Variants in SYTL5 observed in about 807,000 individuals in gnomAD.
SYTL5 encodes synaptotagmin-like protein 5.
A neutral mutation model predicts 55.9 loss-of-function variants in SYTL5; 34 were observed. The observed-to-expected ratio is 0.61, with a 90% confidence interval of 0.46 to 0.81. SYTL5 has a LOEUF of 0.81. Among genes scored for constraint, SYTL5 ranks in the 30% least tolerant of loss-of-function variants. The pLI is 0.00. For missense variants in SYTL5, 637 were observed against 546.7 expected (o/e 1.17, Z -1.65); for synonymous variants, 221 against 188.7 (o/e 1.17, Z -1.40).
intron 9 of SYTL5, among the ~76,000 whole-genome samples, chrX:38,099,084 C>G (rs1192281372): frequency 9.1e-6 from 1 of 110,388 alleles, no homozygotes; most frequent in Non-Finnish European, 1.9e-5. Flanking sequence ...GAAGTTTGCT[C>G]AACTATAAAT....
rs1427099211 is a variant in SYTL5, at chrX:38,127,571, T to A, written c.*841T>A. ...GAAAAAGGAGGTACTCTACCTGCTATTTTACTTCTGTTCCTCTTCTGCCCT... is the reference window on the plus strand; with the variant it reads ...GAAAAAGGAGGTACTCTACCTGCTAATTTACTTCTGTTCCTCTTCTGCCCT... On this transcript the variant is annotated 3_prime_UTR_variant, in exon 17 of 17. Coordinates refer to ENST00000297875, the MANE Select transcript of SYTL5 (RefSeq NM_138780.3). 1 of 112,130 alleles carries A rather than the reference T, an allele frequency of 8.9e-6. No individual in the cohort carries two copies. Among genetic ancestry groups the A allele is most frequent in the Admixed American group, 9.4e-5 (1 of 10,589 alleles). The allele number at this position is 112,130 out of a possible 1,213,427, so 9.2% of individuals were successfully genotyped here. A position where few individuals can be genotyped will look rare whatever the true frequency, so the allele number is the denominator to read the frequency against.
At chrX:38,043,430 C>T (rs1183528222) in intron 2 of SYTL5, among the ~76,000 whole-genome samples, 1 of 105,191 alleles carries the variant, frequency 9.5e-6, no homozygotes, top group Non-Finnish European at 1.9e-5. Context: ...TTGGAAATTG[C>T]ATGAAATTTA....
At chrX:37,988,676 C>T in the SYTL5 span, among the ~76,000 whole-genome samples, 1 of 112,158 alleles carries the variant, frequency 8.9e-6, no homozygotes, top group East Asian at 2.8e-4. Flanking sequence ...TCTATATTGT[C>T]TTAGAGAACA....
the SYTL5 span, among the ~76,000 whole-genome samples, chrX:37,897,967 G>C: frequency 9.0e-6 from 1 of 111,414 alleles, no homozygotes; most frequent in African/African-American, 3.3e-5. Flanking sequence ...GTGTGGAGGT[G>C]GGTACCCGTA....
the SYTL5 span, among the ~76,000 whole-genome samples, chrX:37,951,041 G>A: frequency 3.7e-3 from 315 of 85,933 alleles, no homozygotes; most frequent in Non-Finnish European, 6.1e-3. Context: ...AAAGACTTAC[G>A]AGGAATAAAA....
the SYTL5 span, among the ~76,000 whole-genome samples, chrX:38,001,085 C>T: frequency 1.8e-5 from 2 of 111,020 alleles, no homozygotes; most frequent in Non-Finnish European, 1.9e-5. Context: ...TGTCTGTCCT[C>T]ACCTAGGTCC....
intron 14 of SYTL5, among the ~76,000 whole-genome samples, chrX:38,121,032 A>T (rs974719925): frequency 4.5e-5 from 5 of 111,602 alleles, no homozygotes; most frequent in African/African-American, 1.6e-4. Flanking sequence ...TCTGTGTCTG[A>T]GGAGGCCTCA....
At chrX:37,919,354 A>C in the SYTL5 span, among the ~76,000 whole-genome samples, 2 of 111,933 alleles carry the variant, frequency 1.8e-5, no homozygotes, top group East Asian at 5.6e-4. Context: ...GTTTGACCTC[A>C]TTTCACGTTC....
chrX:38,117,584 T>C (rs947069789), intron 13 of SYTL5, among the ~76,000 whole-genome samples: 1 of 112,317 alleles, frequency 8.9e-6, no homozygotes, highest in African/African-American at 3.2e-5. Context: ...CATGATTCTG[T>C]GGGTCGACTA....
the SYTL5 span, among the ~76,000 whole-genome samples, chrX:37,939,981 G>A: frequency 2.7e-5 from 3 of 110,317 alleles, no homozygotes; most frequent in East Asian, 2.9e-4. Flanking sequence ...ACAGGCGTGC[G>A]CCACCATGCC....
At position 38,058,094 on chromosome X, in the gene SYTL5, T is replaced by A. The variant is rs191436157; in HGVS notation, c.329+3672T>A. Reference sequence around the variant, plus strand: ...TTGTTATTGTCTTACCTTTTATCTTTAAACTTATAATCCACCTGAAACTTA... The same window carrying A: ...TTGTTATTGTCTTACCTTTTATCTTAAAACTTATAATCCACCTGAAACTTA... On this transcript the variant is annotated intron_variant, in intron 3 of 16. Transcript: ENST00000297875. Among the ~76,000 whole-genome samples the A allele has an allele frequency of 8.3e-3, 931 of 111,544 alleles. 5 individuals are homozygous for A. Among genetic ancestry groups the A allele is most frequent in the Middle Eastern group, 0.042 (9 of 216 alleles).
the SYTL5 span, among the ~76,000 whole-genome samples, chrX:37,903,264 G>T: frequency 9.3e-6 from 1 of 107,134 alleles, no homozygotes; most frequent in African/African-American, 3.5e-5. Flanking sequence ...TGTTTATTGC[G>T]GCACTATTCA....
the SYTL5 span, among the ~76,000 whole-genome samples, chrX:37,963,270 T>A: frequency 9.9e-6 from 1 of 101,460 alleles, no homozygotes; most frequent in Admixed American, 1.1e-4. Context: ...GTATGTTGAT[T>A]TTGTTTTTGT....
chrX:38,039,962 T>A (rs753882624), intron 2 of SYTL5, among the ~76,000 whole-genome samples: 72 of 110,711 alleles, frequency 6.5e-4, no homozygotes, highest in Middle Eastern at 4.6e-3. Flanking sequence ...GATCATGAGG[T>A]CAGGAGATCG....
chrX:38,045,453 A>G (rs912059242), intron 2 of SYTL5, among the ~76,000 whole-genome samples: 36 of 111,242 alleles, frequency 3.2e-4, no homozygotes, highest in African/African-American at 1.2e-3. Flanking sequence ...TATTTTTTGG[A>G]TTTGGGTTTT....
intron 16 of SYTL5, among the ~76,000 whole-genome samples, chrX:38,125,739 C>A (rs777150583): frequency 1.8e-5 from 2 of 112,028 alleles, no homozygotes; most frequent in East Asian, 5.6e-4. Flanking sequence ...TATTTATATT[C>A]AATCCTTTCA....
chrX:38,126,423 T>C (rs900250707), intron 16 of SYTL5, among the ~76,000 whole-genome samples, 165 bp from the exon 17 acceptor site: 4 of 112,064 alleles, frequency 3.6e-5, no homozygotes, highest in Non-Finnish European at 7.5e-5. Context: ...CAGGCTGAAA[T>C]GATTGATTGA....
chrX:38,068,133 T>C (rs1936150930), intron 3 of SYTL5, among the ~76,000 whole-genome samples: 1 of 111,473 alleles, frequency 9.0e-6, no homozygotes, highest in African/African-American at 3.3e-5. Context: ...AACAGACCCA[T>C]CTCAAAAGAA....
intron 1 of SYTL5, among the ~76,000 whole-genome samples, chrX:38,028,828 A>G (rs1241230019): frequency 1.8e-5 from 2 of 111,943 alleles, no homozygotes; most frequent in African/African-American, 6.5e-5. Context: ...TAAGACAACA[A>G]CTGTTGGTGG....
Sources: gnomAD v4.1 joint callset for allele counts (sites outside exome capture counted in the v4.1 genomes callset) on GRCh38, gnomAD v4.1.1 for gene constraint, MANE v1.5 for transcripts, NCBI Gene and HGNC (gene_info 2026-07-23, HGNC 2026-07-21) for gene names.